DCAF6: variants seen among roughly 807,000 people sequenced by gnomAD.
The protein encoded by DCAF6 is DDB1 and CUL4 associated factor 6, also known as DDB1- and CUL4-associated factor 6.
A neutral mutation model predicts 125.1 loss-of-function variants in DCAF6; 54 were observed. That is an observed-to-expected ratio of 0.43 (90% CI 0.35 to 0.54). The LOEUF is 0.54. DCAF6 is among the 20% of genes least tolerant of loss of function. The pLI is 0.01. For synonymous variants in DCAF6, 371 were observed against 390.4 expected (o/e 0.95, Z 0.58); for missense variants, 934 against 1,161.7 (o/e 0.80, Z 2.85).
At chr1:168,026,604 G>A (rs113841757) in intron 12 of DCAF6, among the ~76,000 whole-genome samples, 1 of 152,212 alleles carries the variant, frequency 6.6e-6, no homozygotes, top group Non-Finnish European at 1.5e-5. Context: ...AGAAATGAAT[G>A]AGAGTATGAT....
At chr1:167,872,037 A>C in the DCAF6 span, among the ~76,000 whole-genome samples, 4 of 151,974 alleles carry the variant, frequency 2.6e-5, no homozygotes, top group Non-Finnish European at 5.9e-5. Context: ...AAAATAAATA[A>C]ATAAAAAATA....
At chr1:167,996,838 T>C (rs922284190) in intron 7 of DCAF6, among the ~76,000 whole-genome samples, 3 of 152,224 alleles carry the variant, frequency 2.0e-5, no homozygotes, top group African/African-American at 7.2e-5. Context: ...TTTTCTTCCC[T>C]GTGTATTTCA....
At chr1:168,072,325 A>AAAAAAAAAG (rs1693206428) in intron 21 of DCAF6, among the ~76,000 whole-genome samples, 1 of 100,794 alleles carries the variant, frequency 9.9e-6, no homozygotes, top group African/African-American at 3.5e-5. Context: ...AAAAAAAAAA[A>AAAAAAAAAG]GAAAAGAAAA....
chr1:168,063,888 C>T, intron 18 of DCAF6, 129 bp downstream of exon 18: 1 of 837,292 alleles, frequency 1.2e-6, no homozygotes, highest in Non-Finnish European at 1.8e-6. Flanking sequence ...TCAGTTATCT[C>T]TTTATCCAAC....
At chr1:168,011,038 A>G (rs1684204372) in intron 10 of DCAF6, among the ~76,000 whole-genome samples, 1 of 151,792 alleles carries the variant, frequency 6.6e-6, no homozygotes, top group South Asian at 2.1e-4. Context: ...TTTAGGGCTC[A>G]TATTGAGAAG....
chr1:167,888,875 CAA>C, the DCAF6 span, among the ~76,000 whole-genome samples: 10 of 94,118 alleles, frequency 1.1e-4, no homozygotes, highest in Non-Finnish European at 6.2e-5. Flanking sequence ...GACTCCGTCT[CAA>C]AAAAAAAAAA....
the DCAF6 span, among the ~76,000 whole-genome samples, chr1:167,927,772 C>T: frequency 6.6e-6 from 1 of 151,994 alleles, no homozygotes; most frequent in Non-Finnish European, 1.5e-5. Context: ...TAACAACAGC[C>T]CTTCCCCACC....
intron 11 of DCAF6, 63 bp from the exon 12 acceptor site, chr1:168,022,925 C>T (rs1685846133): frequency 7.0e-7 from 1 of 1,422,316 alleles, no homozygotes; most frequent in Non-Finnish European, 9.9e-7. Flanking sequence ...TAGAGATGAT[C>T]ATGACATTGC....
At chr1:168,062,170 A>G (rs1691679304) in intron 17 of DCAF6, among the ~76,000 whole-genome samples, 1 of 152,168 alleles carries the variant, frequency 6.6e-6, no homozygotes, top group African/African-American at 2.4e-5. Flanking sequence ...GTATTATTCC[A>G]CTTAATTAAA....
chr1:168,068,443 C>A lies in DCAF6; in HGVS notation c.2771C>A (p.Ser924Ter). 1 of 1,538,634 alleles carries A rather than the reference C, an allele frequency of 6.5e-7. No homozygotes were observed. Among genetic ancestry groups the A allele is most frequent in the Non-Finnish European group, 8.8e-7 (1 of 1,139,562 alleles). The change falls in exon 21 of 22, where the codon TCA (serine) becomes TAA (stop). Residue 924 changes from serine to a stop codon, truncating the protein, a stop_gained. Transcript: ENST00000367840. LOFTEE classifies it high-confidence loss of function. ...TCTTTCATGTTGAGGATGTTGGCTT[C>A]ACTTAATCATATCCGAGCTGGTAGG... ...PASFMLRMLASLNHIRADRLE... is the reference protein window; with the variant it reads ...PASFMLRMLA
At chr1:167,940,439 C>T (rs970500842) in intron 1 of DCAF6, among the ~76,000 whole-genome samples, 1 of 151,618 alleles carries the variant, frequency 6.6e-6, no homozygotes, top group African/African-American at 2.4e-5. Context: ...TGCAGTGGCA[C>T]CCTCATGGCT....
chr1:167,922,512 T>C, the DCAF6 span, among the ~76,000 whole-genome samples: 1 of 151,998 alleles, frequency 6.6e-6, no homozygotes. Context: ...TAATTTTAAG[T>C]GTAGGTAGGG....
intron 1 of DCAF6, among the ~76,000 whole-genome samples, chr1:167,941,568 GTTTT>G (rs995123171): frequency 6.6e-6 from 1 of 151,696 alleles, no homozygotes; most frequent in African/African-American, 2.4e-5. Flanking sequence ...GATGCATTCT[GTTTT>G]TTTTCATATT....
chr1:168,002,574 T>A lies in DCAF6; in HGVS notation c.996T>A (p.Asp332Glu). ...GGCCGGAGAGTGAACGAGAACGAGA[T>A]GGTAACTATACTTTGGTCAGCTTTT... The part of the protein sequence containing the change: ...RARPESERER[D>E]GEQSPNVSLM... Residue 332 changes from aspartate to glutamate, a missense_variant and splice_region_variant, in exon 8 of 22, where the codon GAT (aspartate) becomes GAA (glutamate). Coordinates refer to ENST00000367840, the MANE Select transcript of DCAF6 (RefSeq NM_001198956.2). 5.0e-6 allele frequency: 8 copies of A among 1,611,892 alleles called. No homozygotes were observed. Among genetic ancestry groups the A allele is most frequent in the Non-Finnish European group, 6.8e-6 (8 of 1,178,338 alleles).
intron 10 of DCAF6, 73 bp from the exon 11 acceptor site, chr1:168,015,708 A>G (rs1684878359): frequency 3.9e-6 from 5 of 1,266,718 alleles, no homozygotes; most frequent in Non-Finnish European, 5.2e-6. Flanking sequence ...CTTCTTTTTT[A>G]ATGTATAATC....
intron 3 of DCAF6, among the ~76,000 whole-genome samples, chr1:167,970,899 A>G (rs1677206316): frequency 6.6e-6 from 1 of 151,964 alleles, no homozygotes; most frequent in South Asian, 2.1e-4. Flanking sequence ...TAGCATAGAG[A>G]CTCCCCATCA....
At chr1:167,866,909 G>A in the DCAF6 span, among the ~76,000 whole-genome samples, 13 of 152,286 alleles carry the variant, frequency 8.5e-5, no homozygotes, top group East Asian at 2.1e-3. Context: ...GGCCCTGGCA[G>A]CAACGGCCCT....
At chr1:167,898,848 T>C in the DCAF6 span, among the ~76,000 whole-genome samples, 2 of 152,152 alleles carry the variant, frequency 1.3e-5, no homozygotes, top group Non-Finnish European at 2.9e-5. Context: ...ACACCTTTCT[T>C]CCACTTTCAT....
intron 14 of DCAF6, 43 bp from the exon 15 acceptor site, chr1:168,044,542 C>G: frequency 6.9e-7 from 1 of 1,447,038 alleles, no homozygotes; most frequent in Middle Eastern, 1.8e-4. Flanking sequence ...GAACTAATCC[C>G]TCATGGATAC....
Sources: gnomAD v4.1 joint callset for allele counts (sites outside exome capture counted in the v4.1 genomes callset) on GRCh38, gnomAD v4.1.1 for gene constraint, MANE v1.5 for transcripts, NCBI Gene and HGNC (gene_info 2026-07-23, HGNC 2026-07-21) for gene names.